Variants in MACROD2 observed in about 807,000 individuals in gnomAD.
The protein encoded by MACROD2 is ADP-ribose glycohydrolase MACROD2.
MACROD2 carries 36 observed loss-of-function variants against 70.4 expected under a neutral mutation model. The observed-to-expected ratio is 0.51, with a 90% CI of 0.39 to 0.68. The LOEUF is 0.68. Among genes scored for constraint, MACROD2 ranks in the 30% least tolerant of loss-of-function variants. The probability of loss-of-function intolerance (pLI) is 0.00; values close to 1 mark genes in which losing one functional copy is unlikely to be tolerated. For synonymous variants in MACROD2, 172 were observed against 178.8 expected, an observed-to-expected ratio of 0.96 and a Z score of 0.30; for missense variants, 496 against 538.4, an observed-to-expected ratio of 0.92 and a Z score of 0.78.
intron 8 of MACROD2, among the ~76,000 whole-genome samples, chr20:15,720,488 C>G (rs2050772325): frequency 6.6e-6 from 1 of 152,170 alleles, no homozygotes; most frequent in Non-Finnish European, 1.5e-5. Flanking sequence ...TTGCCCTAAC[C>G]CAGGGTTTCA....
At chr20:14,139,246 C>T (rs1043285345) in intron 3 of MACROD2, among the ~76,000 whole-genome samples, 1 of 152,204 alleles carries the variant, frequency 6.6e-6, no homozygotes, top group Non-Finnish European at 1.5e-5. Context: ...GCCTCAGCCT[C>T]CCATAACTGC....
At chr20:15,744,697 C>T (rs1157879577) in intron 8 of MACROD2, among the ~76,000 whole-genome samples, 1 of 13,056 alleles carries the variant, frequency 7.7e-5, no homozygotes, top group Non-Finnish European at 1.1e-4. Flanking sequence ...CAAGTATACA[C>T]ACACACACAC....
At chr20:14,442,369 G>A (rs1326904172) in intron 3 of MACROD2, among the ~76,000 whole-genome samples, 1 of 151,982 alleles carries the variant, frequency 6.6e-6, no homozygotes, top group South Asian at 2.1e-4. Flanking sequence ...AAATAAGCAG[G>A]TGAATCTTTG....
intron 5 of MACROD2, among the ~76,000 whole-genome samples, chr20:14,940,641 A>G (rs1465133798): frequency 6.8e-6 from 1 of 147,788 alleles, no homozygotes; most frequent in Non-Finnish European, 1.5e-5. Context: ...CTTTTTCAGC[A>G]TGTATCAAAA....
At chr20:14,377,098 A>T (rs908177607) in intron 3 of MACROD2, among the ~76,000 whole-genome samples, 1 of 152,048 alleles carries the variant, frequency 6.6e-6, no homozygotes, top group Non-Finnish European at 1.5e-5. Flanking sequence ...TTCTGGCCCC[A>T]TTTCTTTACC....
chr20:15,088,439 ATATATATATAT>A (rs1568567413), intron 5 of MACROD2, among the ~76,000 whole-genome samples: 20 of 34,430 alleles, frequency 5.8e-4, no homozygotes, highest in Non-Finnish European at 1.2e-3. Flanking sequence ...ATATATATAT[ATATATATATAT>A]AATATTTTGT....
At chr20:14,552,530 C>T (rs2123265800) in intron 4 of MACROD2, among the ~76,000 whole-genome samples, 2 of 151,766 alleles carry the variant, frequency 1.3e-5, no homozygotes, top group South Asian at 4.2e-4. Context: ...CACTGTCATA[C>T]ATCACTTAAA....
chr20:14,862,624 T>TATAA (rs2073375514), intron 5 of MACROD2, among the ~76,000 whole-genome samples: 1 of 13,040 alleles, frequency 7.7e-5, no homozygotes, highest in Non-Finnish European at 1.6e-4. Flanking sequence ...TAAATATATA[T>TATAA]ATATAAATAT....
At chr20:14,327,260 G>T (rs1349700425) in intron 3 of MACROD2, 2 of 1,613,772 alleles carry the variant, frequency 1.2e-6, no homozygotes, top group East Asian at 2.2e-5. Flanking sequence ...TCTACTTTCA[G>T]CAAGTTTTTC....
intron 3 of MACROD2, among the ~76,000 whole-genome samples, chr20:14,272,561 C>T (rs1434508839): frequency 6.1e-5 from 9 of 148,352 alleles, no homozygotes; most frequent in African/African-American, 9.8e-5. Context: ...TAAAGACCAT[C>T]GAGACTAGGA....
At chr20:14,006,590 T>G (rs971581623) in intron 2 of MACROD2, among the ~76,000 whole-genome samples, 1 of 152,200 alleles carries the variant, frequency 6.6e-6, no homozygotes, top group Admixed American at 6.5e-5. Context: ...GTTTTTCCCA[T>G]TGTCTCATAA....
intron 5 of MACROD2, among the ~76,000 whole-genome samples, chr20:15,041,239 G>A (rs185781887): frequency 6.6e-6 from 1 of 152,072 alleles, no homozygotes; most frequent in Non-Finnish European, 1.5e-5. Context: ...ACAAATTTTT[G>A]TTTGTAATAC....
chr20:14,970,915 C>CA lies in MACROD2; in HGVS notation c.419-259018dup, dbSNP rs1358480633. ...TACAGGCATGAGCCACCATGCTCAG[C>CA]AAAAAAACAGTGTCTTTAAACACTC... On this transcript the variant is annotated intron_variant, in intron 5 of 17. Transcript: ENST00000684519. Among the ~76,000 whole-genome samples, 9 of 151,912 alleles carry CA rather than the reference C, an allele frequency of 5.9e-5. 1 individual carries two copies. The highest frequency in any genetic ancestry group is 1.7e-4 in the African/African-American group (7 of 41,454).
intron 6 of MACROD2, among the ~76,000 whole-genome samples, chr20:15,384,710 T>C (rs1469085138): frequency 2.6e-5 from 4 of 152,154 alleles, no homozygotes; most frequent in African/African-American, 9.7e-5. Flanking sequence ...ATCTTTCAAA[T>C]AATAACCAGT....
intron 5 of MACROD2, among the ~76,000 whole-genome samples, chr20:14,761,631 A>G (rs1267758638): frequency 6.6e-6 from 1 of 152,042 alleles, no homozygotes; most frequent in Non-Finnish European, 1.5e-5. Flanking sequence ...GAATCCTGAC[A>G]CTGGTTCTGT....
intron 5 of MACROD2, among the ~76,000 whole-genome samples, chr20:15,051,752 C>CT (rs547605196): frequency 0.15 from 20,268 of 136,922 alleles, 3,978 homozygotes; most frequent in African/African-American, 0.45. Flanking sequence ...TATACCATCT[C>CT]TTTTTTTTTT....
intron 5 of MACROD2, among the ~76,000 whole-genome samples, chr20:15,182,619 G>A (rs6131647): frequency 0.082 from 12,432 of 152,142 alleles, 646 homozygotes; most frequent in Admixed American, 0.12. Context: ...ATAACTTAGA[G>A]GCATGCAGGT....
At chr20:15,774,619 T>C (rs1001845823) in intron 8 of MACROD2, among the ~76,000 whole-genome samples, 8 of 151,790 alleles carry the variant, frequency 5.3e-5, no homozygotes, top group African/African-American at 1.7e-4. Flanking sequence ...AACTGGAGAG[T>C]GAACCGAAAC....
intron 5 of MACROD2, among the ~76,000 whole-genome samples, chr20:14,707,126 G>A (rs1338265373): frequency 6.6e-6 from 1 of 152,150 alleles, no homozygotes; most frequent in African/African-American, 2.4e-5. Flanking sequence ...TTTGAAATGT[G>A]TAACTTTGCA....
Sources: gnomAD v4.1 joint callset for allele counts (sites outside exome capture counted in the v4.1 genomes callset) on GRCh38, gnomAD v4.1.1 for gene constraint, MANE v1.5 for transcripts, NCBI Gene and HGNC (gene_info 2026-07-23, HGNC 2026-07-21) for gene names.